The following UBXN2A variants were observed in gnomAD, a reference collection of about 807,000 sequenced individuals.
UBXN2A encodes the protein UBX domain protein 2A, also known as UBX domain-containing protein 2A.
Under a neutral mutation model 28.4 loss-of-function variants are expected in UBXN2A, and 28 were observed. The ratio of observed to expected loss-of-function variants is 0.99; its 90% CI spans 0.73 to 1.35. The LOEUF is 1.35. UBXN2A is among the 40% of genes most tolerant of loss of function. UBXN2A has a pLI of 0.00. For synonymous variants in UBXN2A, 97 were observed against 103.6 expected (o/e 0.94, Z 0.39); for missense variants, 253 against 297.9 (o/e 0.85, Z 1.11).
chr2:23,986,427 A>G (rs1390133198), intron 6 of UBXN2A, among the ~76,000 whole-genome samples: 1 of 152,136 alleles, frequency 6.6e-6, no homozygotes, highest in Non-Finnish European at 1.5e-5. Flanking sequence ...ATTATAAAAG[A>G]ATTATTTTTA....
At chr2:23,943,732 C>G (rs1573532691) in intron 1 of UBXN2A, 1 of 195,752 alleles carries the variant, frequency 5.1e-6, no homozygotes, top group East Asian at 1.3e-4. Flanking sequence ...CTCAGGTAAT[C>G]TGCCCGTCTT....
chr2:23,966,201 C>T (rs555266729), intron 2 of UBXN2A, among the ~76,000 whole-genome samples: 95 of 151,870 alleles, frequency 6.3e-4, no homozygotes, highest in Admixed American at 1.4e-3. Context: ...TGCAGTGCCG[C>T]GATCTTGACT....
At chr2:23,942,853 A>G (rs1705835599) in intron 1 of UBXN2A, among the ~76,000 whole-genome samples, 4 of 152,146 alleles carry the variant, frequency 2.6e-5, no homozygotes, top group Admixed American at 2.0e-4. Context: ...ACTCTCCCGT[A>G]ATATTACCCA....
intron 6 of UBXN2A, among the ~76,000 whole-genome samples, chr2:23,988,893 G>T (rs1558306492): frequency 6.6e-6 from 1 of 152,090 alleles, no homozygotes; most frequent in Non-Finnish European, 1.5e-5. Flanking sequence ...TGATTCCTGT[G>T]TTATTTTGAA....
At chr2:23,934,783 G>A (rs1040762170) in intron 1 of UBXN2A, among the ~76,000 whole-genome samples, 1 of 152,014 alleles carries the variant, frequency 6.6e-6, no homozygotes, top group Non-Finnish European at 1.5e-5. Flanking sequence ...ATATAGTATA[G>A]AAAAACAAGG....
chr2:23,955,792 T>G (rs1177623353), intron 1 of UBXN2A, among the ~76,000 whole-genome samples: 1 of 152,200 alleles, frequency 6.6e-6, no homozygotes, highest in Non-Finnish European at 1.5e-5. Flanking sequence ...GGACCACCAT[T>G]GTATATGCAG....
chr2:23,937,701 C>T (rs957208983), upstream of UBXN2A, among the ~76,000 whole-genome samples: 7 of 152,110 alleles, frequency 4.6e-5, no homozygotes, highest in East Asian at 3.8e-4. Flanking sequence ...CAAAGAGGTA[C>T]GAGACTTGTA....
intron 4 of UBXN2A, 59 bp downstream of exon 4, chr2:23,977,134 C>T (rs1707701867): frequency 4.4e-6 from 6 of 1,374,994 alleles, no homozygotes; most frequent in African/African-American, 2.9e-5. Context: ...CAGGCTGTGG[C>T]GAGAGGATTG....
rs890915524 is a variant in UBXN2A, at chr2:24,001,040, G to C, written c.*1173G>C. 6.6e-6 allele frequency: 1 copy of C among 152,224 alleles called. No individual in the cohort carries two copies. The highest frequency in any genetic ancestry group is 1.5e-5 in the Non-Finnish European group (1 of 68,068). 9.4% of individuals were successfully genotyped at this position (152,224 alleles called of 1,614,324 possible). On this transcript the variant is annotated 3_prime_UTR_variant, in exon 7 of 7. Transcript: ENST00000309033. ...GAGTTTCGCTCTTGTTGCCCAGGCT[G>C]GAGTGCAGTGGCGCAATCTCAGCTC...
At chr2:23,958,959 G>A (rs903592143) in intron 2 of UBXN2A, among the ~76,000 whole-genome samples, 3 of 151,982 alleles carry the variant, frequency 2.0e-5, no homozygotes, top group Admixed American at 6.6e-5. Flanking sequence ...TCTCTCCTTG[G>A]CTTCCTGAGT....
Position 24,003,492 on chromosome 2 carries a change from T to C in UBXN2A, c.*3625T>C, listed in dbSNP as rs2150932256. On this transcript the variant is annotated 3_prime_UTR_variant, in exon 7 of 7. Coordinates refer to ENST00000309033, the MANE Select transcript of UBXN2A (RefSeq NM_181713.4). ...ACTAGATGACCTGACATAAAATCTA[T>C]CTTCTGATTGCAGTCTATTGTGAGA... The C allele has an allele frequency of 6.6e-6, 1 of 152,200 alleles. No homozygotes were observed. 9.4% of individuals were successfully genotyped at this position (152,200 alleles called of 1,614,324 possible).
At chr2:23,933,876 G>A (rs1328194409) in intron 1 of UBXN2A, among the ~76,000 whole-genome samples, 1 of 152,248 alleles carries the variant, frequency 6.6e-6, no homozygotes, top group Non-Finnish European at 1.5e-5. Context: ...ATCTTTAAGA[G>A]CCATGAAACA....
intron 1 of UBXN2A, among the ~76,000 whole-genome samples, chr2:23,953,759 G>C (rs540933857): frequency 6.6e-6 from 1 of 152,128 alleles, no homozygotes; most frequent in African/African-American, 2.4e-5. Flanking sequence ...TCTGGACTTT[G>C]TTGATTGCAT....
At chr2:23,995,034 T>A (rs1708477607) in intron 6 of UBXN2A, among the ~76,000 whole-genome samples, 1 of 152,194 alleles carries the variant, frequency 6.6e-6, no homozygotes, top group African/African-American at 2.4e-5. Flanking sequence ...CTAGAATCTC[T>A]CCTCAGTCGC....
chr2:23,927,634 G>C (rs1705098967), intron 1 of UBXN2A: 1 of 71,436 alleles, frequency 1.4e-5, no homozygotes, highest in Non-Finnish European at 3.3e-5. Context: ...AAGAAGAGAA[G>C]GGGGGGGGGA....
intron 3 of UBXN2A, among the ~76,000 whole-genome samples, chr2:23,976,376 C>T (rs1161296863): frequency 1.3e-5 from 2 of 152,136 alleles, no homozygotes; most frequent in Non-Finnish European, 2.9e-5. Context: ...TTCTGTGCCT[C>T]GCCCAACATC....
intron 1 of UBXN2A, among the ~76,000 whole-genome samples, chr2:23,945,621 G>A (rs1477667509): frequency 1.3e-5 from 2 of 151,902 alleles, no homozygotes; most frequent in Non-Finnish European, 2.9e-5. Flanking sequence ...AGAAACGTAA[G>A]CTTCTATATA....
chr2:23,982,886 G>T lies in UBXN2A; in HGVS notation c.288-10G>T. 1.3e-6 allele frequency: 2 copies of T among 1,581,486 alleles called. No homozygotes were observed. Among genetic ancestry groups the T allele is most frequent in the Non-Finnish European group, 1.7e-6 (2 of 1,165,900 alleles). On this transcript the variant is annotated splice_polypyrimidine_tract_variant and intron_variant, in intron 4 of 6. Transcript: ENST00000309033. ...GGGAGCTTTATCATTTTCTTTCTTT[G>T]TTTTCCAAGGGAATTACCTTCAGAA...
intron 1 of UBXN2A, among the ~76,000 whole-genome samples, chr2:23,933,935 G>C (rs1310439563): frequency 6.6e-6 from 1 of 152,144 alleles, no homozygotes; most frequent in Non-Finnish European, 1.5e-5. Flanking sequence ...TTGACATTAG[G>C]CCGGGAGTGG....
Sources: allele counts gnomAD v4.1 joint callset (sites outside exome capture counted in the v4.1 genomes callset), GRCh38; gene constraint gnomAD v4.1.1; transcripts MANE v1.5; gene names NCBI Gene and HGNC (gene_info 2026-07-23, HGNC 2026-07-21).